ALMS1: variants seen among roughly 807,000 people sequenced by gnomAD.
The protein encoded by ALMS1 is centrosome-associated protein ALMS1.
Under a neutral mutation model 352.2 loss-of-function variants are expected in ALMS1, and 271 were observed. That is an observed-to-expected ratio of 0.77 (90% CI 0.70 to 0.85). ALMS1 has a LOEUF of 0.85. Among genes scored for constraint, ALMS1 ranks in the 40% least tolerant of loss-of-function variants. The pLI is 0.00. For synonymous variants in ALMS1, 1,865 were observed against 1,761.2 expected (o/e 1.06, Z -1.48); for missense variants, 5,445 against 4,870.7 (o/e 1.12, Z -3.51).
chr2:73,408,569 A>G (rs1471571702), intron 1 of ALMS1, 53 bp from the exon 2 acceptor site: 42 of 1,581,384 alleles, frequency 2.7e-5, no homozygotes, highest in Middle Eastern at 3.3e-4. Context: ...TTTTTGTTGT[A>G]TAATCATAGT....
intron 16 of ALMS1, among the ~76,000 whole-genome samples, chr2:73,585,272 C>T (rs1384694131): frequency 1.3e-5 from 2 of 152,124 alleles, no homozygotes; most frequent in Non-Finnish European, 2.9e-5. Context: ...CTTTTCACCA[C>T]GTCCACACCA....
intron 12 of ALMS1, among the ~76,000 whole-genome samples, chr2:73,542,790 A>C (rs1674217792): frequency 1.3e-5 from 2 of 152,134 alleles, no homozygotes. Context: ...TAAAATACCT[A>C]GGAATCCAAC....
At chr2:73,495,716 CGT>C (rs967625353) in intron 10 of ALMS1, among the ~76,000 whole-genome samples, 3 of 151,922 alleles carry the variant, frequency 2.0e-5, no homozygotes, top group African/African-American at 7.3e-5. Context: ...TATCTTTTAA[CGT>C]GTGTGTGTGT....
At chr2:73,429,233 G>C (rs10183601) in intron 6 of ALMS1, among the ~76,000 whole-genome samples, 131 of 130,102 alleles carry the variant, frequency 1.0e-3, no homozygotes, top group African/African-American at 3.6e-3. Context: ...TCATTATTTT[G>C]TTTTTCTTTC....
Position 73,601,437 on chromosome 2 carries a change from G to A in ALMS1, c.12114+1G>A, listed in dbSNP as rs376719320. On this transcript the variant is annotated splice_donor_variant, in intron 19 of 22. Transcript: ENST00000613296. LOFTEE classifies it high-confidence loss of function. The stretch of plus-strand genomic sequence containing the variant: ...GCCATTTGTGAGAGCAACCCTTCAG[G>A]TGCAGTGACGTTGACTTAACTTTAA... The A allele has an allele frequency of 3.1e-6, 5 of 1,613,862 alleles. No individual in the cohort carries two copies. The highest frequency in any genetic ancestry group is 1.3e-5 in the African/African-American group (1 of 75,038).
At chr2:73,494,788 C>T (rs1420234792) in intron 10 of ALMS1, among the ~76,000 whole-genome samples, 1 of 152,194 alleles carries the variant, frequency 6.6e-6, no homozygotes, top group African/African-American at 2.4e-5. Flanking sequence ...TGCTAGGATT[C>T]TCCACTGTAA....
At chr2:73,418,056 G>A (rs1235631164) in intron 2 of ALMS1, among the ~76,000 whole-genome samples, 2 of 151,838 alleles carry the variant, frequency 1.3e-5, no homozygotes, top group East Asian at 3.9e-4. Context: ...CAAACATTTG[G>A]GCTTGTGTTT....
chr2:73,423,368 G>A (rs1671319146), intron 4 of ALMS1, among the ~76,000 whole-genome samples: 2 of 152,022 alleles, frequency 1.3e-5, no homozygotes. Context: ...CTCTCATTTT[G>A]TTCAGCTGTT....
chr2:73,442,566 C>T (rs1401950162), intron 7 of ALMS1, among the ~76,000 whole-genome samples: 2 of 152,094 alleles, frequency 1.3e-5, no homozygotes, highest in Non-Finnish European at 2.9e-5. Context: ...CTATTATATA[C>T]TTAACACTAA....
chr2:73,505,455 C>T (rs1397044542), intron 10 of ALMS1, among the ~76,000 whole-genome samples: 1 of 152,188 alleles, frequency 6.6e-6, no homozygotes, highest in East Asian at 1.9e-4. Context: ...TTTTGATTTG[C>T]ATTTCTCTAA....
At chr2:73,538,257 A>G (rs540989479) in intron 12 of ALMS1, among the ~76,000 whole-genome samples, 1 of 152,176 alleles carries the variant, frequency 6.6e-6, no homozygotes, top group South Asian at 2.1e-4. Flanking sequence ...TCTGATGGAC[A>G]TTTCTCCAAG....
chr2:73,545,541 C>A (rs769253113), intron 12 of ALMS1, among the ~76,000 whole-genome samples: 1 of 152,108 alleles, frequency 6.6e-6, no homozygotes. Context: ...TACCAAAAAT[C>A]TTAATTGAAT....
At chr2:73,500,256 C>T (rs146104351) in intron 10 of ALMS1, among the ~76,000 whole-genome samples, 1 of 152,278 alleles carries the variant, frequency 6.6e-6, no homozygotes, top group Non-Finnish European at 1.5e-5. Flanking sequence ...TTCCAGCCAG[C>T]CTTCTGTAGG....
At chr2:73,575,545 T>G (rs1245578862) in intron 16 of ALMS1, among the ~76,000 whole-genome samples, 1 of 152,182 alleles carries the variant, frequency 6.6e-6, no homozygotes, top group Admixed American at 6.5e-5. Context: ...ATCATTGTGG[T>G]TTTGATTTGC....
At chr2:73,399,342 G>A (rs968597443) in intron 1 of ALMS1, among the ~76,000 whole-genome samples, 8 of 152,072 alleles carry the variant, frequency 5.3e-5, no homozygotes, top group Non-Finnish European at 1.0e-4. Flanking sequence ...ACCTGAGGCT[G>A]GGTAAGTTAC....
At chr2:73,503,618 A>G (rs1218035599) in intron 10 of ALMS1, among the ~76,000 whole-genome samples, 10 of 152,158 alleles carry the variant, frequency 6.6e-5, no homozygotes, top group African/African-American at 2.2e-4. Context: ...ATAGCCAGTA[A>G]TGGGATGGCT....
chr2:73,531,661 T>G (rs1357445926), intron 11 of ALMS1, among the ~76,000 whole-genome samples: 3 of 152,212 alleles, frequency 2.0e-5, no homozygotes, highest in Non-Finnish European at 2.9e-5. Context: ...CACCAATTCT[T>G]TGTATTCATT....
intron 6 of ALMS1, among the ~76,000 whole-genome samples, chr2:73,431,811 A>G (rs1671504201): frequency 5.3e-5 from 8 of 152,216 alleles, no homozygotes; most frequent in Admixed American, 5.2e-4. Context: ...CCTTAAAAAG[A>G]AATACCTGAG....
At chr2:73,498,188 T>C (rs1485899205) in intron 10 of ALMS1, among the ~76,000 whole-genome samples, 1 of 152,178 alleles carries the variant, frequency 6.6e-6, no homozygotes, top group South Asian at 2.1e-4. Context: ...GGTGGCAGTC[T>C]TACCTTGATG....
Sources: allele counts gnomAD v4.1 joint callset (sites outside exome capture counted in the v4.1 genomes callset), GRCh38; gene constraint gnomAD v4.1.1; transcripts MANE v1.5; gene names NCBI Gene and HGNC (gene_info 2026-07-23, HGNC 2026-07-21).